The following CLTB variants were observed in gnomAD, a reference collection of about 807,000 sequenced individuals.
CLTB encodes clathrin, light chain (Lcb).
CLTB carries 10 observed loss-of-function variants against 30.5 expected under a neutral mutation model. The ratio of observed to expected loss-of-function variants is 0.33; its 90% CI spans 0.20 to 0.56. CLTB has a LOEUF of 0.56. Ranked by LOEUF, CLTB falls within the 20% of genes least tolerant of loss-of-function variation. The probability of loss-of-function intolerance (pLI) is 0.91; values close to 1 mark genes in which losing one functional copy is unlikely to be tolerated. For synonymous variants in CLTB, 102 were observed against 120.3 expected (o/e 0.85, Z 1.00); for missense variants, 261 against 308.3 (o/e 0.85, Z 1.15).
chr5:176,392,717 T>G lies in CLTB; in HGVS notation c.*57A>C. The G allele has an allele frequency of 6.3e-7, 1 of 1,590,202 alleles. No individual in the cohort carries two copies. Among genetic ancestry groups the G allele is most frequent in the Non-Finnish European group, 8.6e-7 (1 of 1,162,594 alleles). On this transcript the variant is annotated 3_prime_UTR_variant, in exon 6 of 6. Coordinates refer to ENST00000310418, the MANE Select transcript of CLTB (RefSeq NM_007097.5). This position sits in a 1 kb window ranked among gnomAD's most constrained non-coding sequence, Gnocchi z 5.2. ...GAGTCTCCACCCCGACCAAAGCAGC[T>G]GCTCCTCCTGTGCCCAGGCCCAGCC...
At chr5:176,401,306 C>CT (rs1384826858) in intron 2 of CLTB, among the ~76,000 whole-genome samples, 3 of 152,206 alleles carry the variant, frequency 2.0e-5, no homozygotes, top group Non-Finnish European at 4.4e-5. Flanking sequence ...CCAGCACTTA[C>CT]CTCTATCTGA....
rs1386344415 is a variant in CLTB at position 176,396,589 on chromosome 5, A to G, written c.465-57T>C. The G allele has an allele frequency of 2.4e-6, 3 of 1,252,034 alleles. No homozygotes were observed. The East Asian group carries it at 7.1e-5, about 30-fold the overall frequency. The allele number at this position is 1,252,034 out of a possible 1,614,324, so 77.6% of individuals were successfully genotyped here. A position where few individuals can be genotyped will look rare whatever the true frequency, so the allele number is the denominator to read the frequency against. On this transcript the variant is annotated intron_variant, in intron 4 of 5. Transcript: ENST00000310418. Reference sequence around the variant, plus strand: ...TGGGGGAAGGCAGATGGCAAGACAGACAGGCAGGCAGAAGGTTAGAGAGAG... The same window carrying G: ...TGGGGGAAGGCAGATGGCAAGACAGGCAGGCAGGCAGAAGGTTAGAGAGAG...
intron 5 of CLTB, among the ~76,000 whole-genome samples, chr5:176,395,378 G>A (rs981188088): frequency 3.9e-5 from 6 of 152,110 alleles, no homozygotes; most frequent in African/African-American, 9.7e-5. Flanking sequence ...TGAGGGGGGC[G>A]GCCTGTGGGT....
rs867346320 is a variant in CLTB, at chr5:176,397,841, C to G, written c.352+89G>C. The stretch of plus-strand genomic sequence containing the variant: ...GCACCGGCCCAGTCCCACATTAAGG[C>G]ATGCAGCATCCCATGCACTCCGAGG... On this transcript the variant is annotated intron_variant, in intron 3 of 5. Transcript: ENST00000310418. 50 of 1,468,102 alleles carry G rather than the reference C, an allele frequency of 3.4e-5. No individual in the cohort carries two copies. The Middle Eastern group carries it at 1.6e-3, about 46-fold the overall frequency. 90.9% of individuals were successfully genotyped at this position (1,468,102 alleles called of 1,614,324 possible). A position where few individuals can be genotyped will look rare whatever the true frequency, so the allele number is the denominator to read the frequency against.
chr5:176,408,028 T>G (rs978381879), intron 2 of CLTB, among the ~76,000 whole-genome samples: 1 of 151,746 alleles, frequency 6.6e-6, no homozygotes, highest in Non-Finnish European at 1.5e-5. Context: ...CCAGTCTGAG[T>G]GGGAATGAAG....
chr5:176,397,777 G>A lies in CLTB; in HGVS notation c.353-59C>T, dbSNP rs56370633. The A allele has an allele frequency of 7.2e-3, 11,156 of 1,551,894 alleles. 157 individuals carry two copies. Among genetic ancestry groups the A allele is most frequent in the Middle Eastern group, 0.059 (351 of 5,926 alleles). On this transcript the variant is annotated intron_variant, in intron 3 of 5. Transcript: ENST00000310418. ...CCAGCTGGGATGCACAGGCCCGGCC[G>A]CGCTCCTCCCCTGGCCCCTGCCAGG...
chr5:176,412,785 G>C (rs1390036311), intron 1 of CLTB, among the ~76,000 whole-genome samples: 2 of 152,116 alleles, frequency 1.3e-5, no homozygotes, highest in Admixed American at 1.3e-4. Flanking sequence ...CTCCTGCATG[G>C]GTGTCCTGGC....
intron 2 of CLTB, among the ~76,000 whole-genome samples, chr5:176,408,426 C>T (rs945173591): frequency 1.3e-5 from 2 of 151,790 alleles, no homozygotes; most frequent in African/African-American, 4.8e-5. Flanking sequence ...ATCCCAGCTA[C>T]TCAGGAGGCT....
intron 1 of CLTB, among the ~76,000 whole-genome samples, chr5:176,412,650 A>T (rs193005603): frequency 2.7e-4 from 41 of 152,290 alleles, no homozygotes; most frequent in Middle Eastern, 3.4e-3. Flanking sequence ...AGGGAAGGGT[A>T]CTTAATCCCA....
intron 2 of CLTB, among the ~76,000 whole-genome samples, chr5:176,405,085 C>T (rs1757037105): frequency 6.6e-6 from 1 of 152,220 alleles, no homozygotes; most frequent in East Asian, 1.9e-4. Context: ...TGGCTGGTGC[C>T]TACACAGAGA....
intron 4 of CLTB, among the ~76,000 whole-genome samples, chr5:176,397,369 CCT>C (rs1241773991): frequency 7.0e-6 from 1 of 142,850 alleles, no homozygotes; most frequent in Non-Finnish European, 1.5e-5. Flanking sequence ...CCCACAGCTC[CCT>C]CTCATGTCCC....
intron 2 of CLTB, 48 bp from the exon 3 acceptor site, chr5:176,398,095 G>T (rs746774967): frequency 7.2e-6 from 11 of 1,530,150 alleles, no homozygotes; most frequent in Non-Finnish European, 1.0e-5. Context: ...CACCTGCCCC[G>T]CTGTCTCTGC....
Position 176,416,316 on chromosome 5 carries a change from C to G in CLTB, c.48G>C (p.Pro16=). 1 of 1,603,140 alleles carries G rather than the reference C, an allele frequency of 6.2e-7. No individual in the cohort carries two copies. Residue 16 remains proline, a synonymous_variant, in exon 1 of 6, where the codon CCG becomes CCC. Transcript: ENST00000310418. ...CCGCCGGGTCCTCCTCCGCCGCCTC[C>G]GGGGCACCGCTCTCCGACGACGAGA... ...GFFSSSESGA[P]EAAEEDPAAA...
chr5:176,407,368 G>A (rs902951198), intron 2 of CLTB, among the ~76,000 whole-genome samples: 2 of 152,170 alleles, frequency 1.3e-5, no homozygotes, highest in East Asian at 1.9e-4. Context: ...TGCAGTGTGC[G>A]ATCTCAGCTC....
intron 2 of CLTB, among the ~76,000 whole-genome samples, chr5:176,398,760 G>T (rs906102563): frequency 6.6e-6 from 1 of 152,072 alleles, no homozygotes; most frequent in Admixed American, 6.6e-5. Context: ...GCTTGGCACA[G>T]TGAGTCCCTT....
chr5:176,397,785 C>G, intron 3 of CLTB, 67 bp from the exon 4 acceptor site: 1 of 1,533,088 alleles, frequency 6.5e-7, no homozygotes, highest in East Asian at 2.3e-5. Flanking sequence ...CCGCGCTCCT[C>G]CCCTGGCCCC....
chr5:176,403,266 T>G (rs1431957568), intron 2 of CLTB, among the ~76,000 whole-genome samples: 4 of 152,104 alleles, frequency 2.6e-5, no homozygotes, highest in African/African-American at 4.8e-5. Context: ...GCCAGACTTG[T>G]GTCGAACTCC....
intron 1 of CLTB, among the ~76,000 whole-genome samples, chr5:176,413,219 C>T (rs1415760099): frequency 1.3e-5 from 2 of 152,174 alleles, no homozygotes; most frequent in Admixed American, 6.5e-5. Flanking sequence ...GACAGAGACA[C>T]GTCCCAGGGA....
intron 5 of CLTB, among the ~76,000 whole-genome samples, chr5:176,395,706 G>T (rs1756489164): frequency 6.6e-6 from 1 of 152,230 alleles, no homozygotes; most frequent in South Asian, 2.1e-4. Flanking sequence ...GAGGGGGCCT[G>T]TGGTGGTCTG....
Sources: allele counts gnomAD v4.1 joint callset (sites outside exome capture counted in the v4.1 genomes callset), GRCh38; gene constraint gnomAD v4.1.1; non-coding constraint Gnocchi (gnomAD v3.1); transcripts MANE v1.5; gene names NCBI Gene and HGNC (gene_info 2026-07-23, HGNC 2026-07-21).